Variants in PCDHGA5 observed in about 807,000 individuals in gnomAD.
The protein encoded by PCDHGA5 is protocadherin gamma subfamily A, 5.
In PCDHGA5, 36 loss-of-function variants were observed where a neutral mutation model predicts 56.7. The ratio of observed to expected loss-of-function variants is 0.64; its 90% CI spans 0.49 to 0.84. The LOEUF (loss-of-function observed/expected upper bound fraction) is 0.84. PCDHGA5 is among the 40% of genes least tolerant of loss of function. The pLI is 0.00. For synonymous variants in PCDHGA5, 563 were observed against 520.2 expected (o/e 1.08, Z -1.12); for missense variants, 1,305 against 1,201.5 (o/e 1.09, Z -1.27).
chr5:141,419,769 C>T (rs773303779), intron 1 of PCDHGA5: 6 of 1,613,888 alleles, frequency 3.7e-6, no homozygotes, highest in Non-Finnish European at 4.2e-6. Context: ...GACAAGGACT[C>T]GGTCCGCCAG....
chr5:141,429,204 A>ACACACACG, intron 1 of PCDHGA5: 1 of 150,162 alleles, frequency 6.7e-6, no homozygotes, highest in Non-Finnish European at 1.5e-5. Context: ...ACACACACAC[A>ACACACACG]CGTGTGAAAA....
intron 1 of PCDHGA5, among the ~76,000 whole-genome samples, chr5:141,474,644 C>G (rs1016496399): frequency 4.6e-5 from 7 of 152,180 alleles, no homozygotes; most frequent in Non-Finnish European, 1.0e-4. Flanking sequence ...CCTATATATC[C>G]TTACTTCTTT....
At chr5:141,459,686 C>T (rs79275885) in intron 1 of PCDHGA5, among the ~76,000 whole-genome samples, 5,534 of 152,296 alleles carry the variant, frequency 0.036, 130 homozygotes, top group South Asian at 0.077. Flanking sequence ...ATGCATAAAG[C>T]GTTCCGCTTG....
intron 1 of PCDHGA5, among the ~76,000 whole-genome samples, chr5:141,401,114 CG>C (rs566829189): frequency 5.5e-4 from 84 of 152,224 alleles, no homozygotes; most frequent in African/African-American, 2.0e-3. Context: ...GAGGCCGAGG[CG>C]GTTGGATCAC....
rs1474350947 is a variant in PCDHGA5 at position 141,366,392 on chromosome 5, G to A, written c.2062G>A (p.Asp688Asn). ...GACCCCCATTGACCCTGAGGATCTG[G>A]ACCTCACACTCTATCTTGTGGTGGC... is the stretch of plus-strand genomic sequence containing the variant. ...IKTPIDPEDLDLTLYLVVAVA... is the reference protein window; with the variant it reads ...IKTPIDPEDLNLTLYLVVAVA... Residue 688 changes from aspartate (D) to asparagine (N), a missense_variant, in exon 1 of 4, where the codon GAC becomes AAC. Coordinates refer to ENST00000518069, the MANE Select transcript of PCDHGA5 (RefSeq NM_018918.3). The A allele has an allele frequency of 1.5e-5, 24 of 1,614,020 alleles. No homozygotes were observed. The highest frequency in any genetic ancestry group is 1.9e-5 in the Non-Finnish European group (23 of 1,180,058).
chr5:141,403,530 AG>A (rs1303990777), intron 1 of PCDHGA5: 2 of 1,613,988 alleles, frequency 1.2e-6, no homozygotes. Context: ...ATAAACCCAG[AG>A]CTGGTGCTGG....
chr5:141,381,826 CTTTTTTT>C (rs770630741), intron 1 of PCDHGA5, among the ~76,000 whole-genome samples: 293 of 74,292 alleles, frequency 3.9e-3, no homozygotes, highest in Middle Eastern at 0.016. Context: ...CTTTCTTCTT[CTTTTTTT>C]TTTTTTTTTT....
At position 141,364,958 on chromosome 5, in the gene PCDHGA5, C is replaced by T; in HGVS notation, c.628C>T (p.Leu210Phe). ...CCGCGAGAAAGAGACTGTTCACGAC[C>T]TCCTCCTCACAGCTTTAGATGGCGG... ...LDREKETVHD[L>F]LLTALDGGDP... The change falls in exon 1 of 4, where the codon CTC (leucine) becomes TTC (phenylalanine). Residue 210 changes from leucine (L) to phenylalanine (F), a missense_variant. Coordinates refer to ENST00000518069, the MANE Select transcript of PCDHGA5 (RefSeq NM_018918.3). 2 of 1,613,958 alleles carry T rather than the reference C, an allele frequency of 1.2e-6. No individual in the cohort carries two copies. The highest frequency in any genetic ancestry group is 1.1e-5 in the South Asian group (1 of 91,090).
chr5:141,387,732 C>G (rs940812767), intron 1 of PCDHGA5: 1 of 1,279,212 alleles, frequency 7.8e-7, no homozygotes, highest in South Asian at 1.6e-5. Context: ...CAGCGCCAGC[C>G]TTTACACCGC....
rs748591129 is a variant in PCDHGA5 at position 141,388,776 on chromosome 5, G to A, written c.2421+22025G>A. ...ATTTGACCTGAACTCTAACACCGGG[G>A]AAATTACTGTTTTAAATACATTAGA... On this transcript the variant is annotated intron_variant, in intron 1 of 3. Transcript: ENST00000518069. 8.7e-6 allele frequency: 14 copies of A among 1,613,806 alleles called. 1 individual carries two copies. In the South Asian group the frequency reaches 1.1e-4, roughly 13 times the overall value.
Position 141,366,642 on chromosome 5 carries a change from C to T in PCDHGA5, c.2312C>T (p.Pro771Leu). The T allele has an allele frequency of 1.2e-6, 2 of 1,614,238 alleles. No homozygotes were observed. The highest frequency in any genetic ancestry group is 1.7e-6 in the Non-Finnish European group (2 of 1,180,050). The change falls in exon 1 of 4, where the codon CCC (proline) becomes CTC (leucine). Residue 771 changes from proline to leucine, a missense_variant. By Grantham distance (98) the Pro-to-Leu change is moderately conservative. Transcript: ENST00000518069. ...TCGAGGAAGAGTCACCTGATCTTTC[C>T]CCAGCCCAACTACGCAGACACGCTC... ...ADSRKSHLIFPQPNYADTLLS... is the reference protein window; with the variant it reads ...ADSRKSHLIFLQPNYADTLLS...
chr5:141,449,154 A>G (rs2098630387), intron 1 of PCDHGA5, among the ~76,000 whole-genome samples: 1 of 152,180 alleles, frequency 6.6e-6, no homozygotes, highest in African/African-American at 2.4e-5. Flanking sequence ...TGGGTCAAAG[A>G]GGAAATAGGT....
chr5:141,372,122 T>C, intron 1 of PCDHGA5: 1 of 1,613,748 alleles, frequency 6.2e-7, no homozygotes, highest in Non-Finnish European at 8.5e-7. Context: ...CGCTCTTCGA[T>C]ATGGTGCCGC....
intron 1 of PCDHGA5, chr5:141,376,110 G>A (rs772810239): frequency 3.7e-6 from 6 of 1,613,762 alleles, no homozygotes; most frequent in Non-Finnish European, 4.2e-6. Flanking sequence ...GCCGACCTGG[G>A]CAGCCTCGAG....
At position 141,487,937 on chromosome 5, in the gene PCDHGA5, T is replaced by G; in HGVS notation, c.2422-6870T>G. 2 of 603,606 alleles carry G rather than the reference T, an allele frequency of 3.3e-6. No homozygotes were observed. The highest frequency in any genetic ancestry group is 2.9e-6 in the Non-Finnish European group (1 of 345,124). 37.4% of individuals were successfully genotyped at this position (603,606 alleles called of 1,614,324 possible). ...GGAGGCTACAGTGCACAGGGTACAG[T>G]GCACCAGGCAGTCACTTGGACAAAG... On this transcript the variant is annotated intron_variant, in intron 1 of 3. Transcript: ENST00000518069. The surrounding 1 kb of genome is among the most constrained non-coding windows in gnomAD (Gnocchi z 5.0).
chr5:141,439,579 G>A (rs980322898), intron 1 of PCDHGA5, among the ~76,000 whole-genome samples: 6 of 152,148 alleles, frequency 3.9e-5, no homozygotes, highest in African/African-American at 1.4e-4. Context: ...GGGACTCAGA[G>A]TGCCACTGTT....
chr5:141,478,394 G>A, intron 1 of PCDHGA5: 1 of 1,613,586 alleles, frequency 6.2e-7, no homozygotes, highest in Non-Finnish European at 8.5e-7. Context: ...TTACCATCAG[G>A]TGTATCTCAC....
Position 141,485,814 on chromosome 5 carries a change from C to T in PCDHGA5, c.2422-8993C>T, listed in dbSNP as rs2099619616. 7.4e-6 allele frequency: 12 copies of T among 1,613,982 alleles called. No individual in the cohort carries two copies. The East Asian group carries it at 2.2e-4, about 30-fold the overall frequency. On this transcript the variant is annotated intron_variant, in intron 1 of 3. Coordinates refer to ENST00000518069, the MANE Select transcript of PCDHGA5 (RefSeq NM_018918.3). This position sits in a 1 kb window ranked among gnomAD's most constrained non-coding sequence, Gnocchi z 5.7. ...TCGGACTACCGCCTGGTGCTGACTG[C>T]TGTCGATGGAGGGAACCCGCCGAGA...
rs761126985 is a variant in PCDHGA5 at position 141,431,245 on chromosome 5, C to G, written c.2422-63562C>G. ...TACCCCACGCCTGGGATCCGGATAT[C>G]GGGAAGAACTCTCTGCAGAGCTACG... is the stretch of plus-strand genomic sequence containing the variant. On this transcript the variant is annotated intron_variant, in intron 1 of 3. Transcript: ENST00000518069. This position sits in a 1 kb window ranked among gnomAD's most constrained non-coding sequence, Gnocchi z 4.8. 1.2e-6 allele frequency: 2 copies of G among 1,614,016 alleles called. No homozygotes were observed. Among genetic ancestry groups the G allele is most frequent in the Non-Finnish European group, 1.7e-6 (2 of 1,180,046 alleles).
Sources: gnomAD v4.1 joint callset for allele counts (sites outside exome capture counted in the v4.1 genomes callset) on GRCh38, gnomAD v4.1.1 for gene constraint, Gnocchi (gnomAD v3.1) non-coding constraint, MANE v1.5 for transcripts, NCBI Gene and HGNC (gene_info 2026-07-23, HGNC 2026-07-21) for gene names.